Variants in KIAA1586 observed in about 807,000 individuals in gnomAD.
The protein encoded by KIAA1586 is KIAA1586.
A neutral mutation model predicts 6.1 loss-of-function variants in KIAA1586; 5 were observed. The observed-to-expected ratio is 0.82, with a 90% CI of 0.43 to 1.73. The LOEUF (loss-of-function observed/expected upper bound fraction) is 1.73. KIAA1586 is among the 40% of genes most tolerant of loss of function. KIAA1586 has a pLI of 0.02. For synonymous variants in KIAA1586, 280 were observed against 301.7 expected, an observed-to-expected ratio of 0.93 and a Z score of 0.75; for missense variants, 899 against 878.2, an observed-to-expected ratio of 1.02 and a Z score of -0.30.
chr6:57,056,889 G>T (rs764014404), downstream of KIAA1586, among the ~76,000 whole-genome samples: 1 of 151,290 alleles, frequency 6.6e-6, no homozygotes, highest in Non-Finnish European at 1.5e-5. Context: ...TGAAGAAATT[G>T]TTAGAAAATT....
Position 57,052,682 on chromosome 6 carries a change from T to A in KIAA1586, c.187-4T>A. On this transcript the variant is annotated splice_region_variant and splice_polypyrimidine_tract_variant and intron_variant, in intron 3 of 3. Transcript: ENST00000370733. Reference sequence around the variant, plus strand: ...TTACTTACATATGTAAAATTATTTTTCAGATTCTGTTTCCTAAAATGCCAA... The same window carrying A: ...TTACTTACATATGTAAAATTATTTTACAGATTCTGTTTCCTAAAATGCCAA... 1 of 1,537,636 alleles carries A rather than the reference T, an allele frequency of 6.5e-7. No individual in the cohort carries two copies. The highest frequency in any genetic ancestry group is 8.7e-7 in the Non-Finnish European group (1 of 1,144,258).
At chr6:57,063,384 T>A in the KIAA1586 span, among the ~76,000 whole-genome samples, 4 of 151,894 alleles carry the variant, frequency 2.6e-5, no homozygotes, top group Admixed American at 1.3e-4. Context: ...TAAAATCACA[T>A]GAGATAAATG....
At chr6:57,065,491 TG>T in the KIAA1586 span, among the ~76,000 whole-genome samples, 4 of 150,520 alleles carry the variant, frequency 2.7e-5, no homozygotes, top group African/African-American at 1.0e-4. Flanking sequence ...TTGCCTTTTT[TG>T]TTTTTTTTTT....
Position 57,053,870 on chromosome 6 carries a change from T to C in KIAA1586, c.1371T>C (p.Asn457=). 6.4e-7 allele frequency: 1 copy of C among 1,566,016 alleles called. No individual in the cohort carries two copies. Among genetic ancestry groups the C allele is most frequent in the African/African-American group, 1.4e-5 (1 of 72,750 alleles). The stretch of plus-strand genomic sequence containing the variant: ...CTATTTATCATCAACCTAATAAAAA[T>C]CAAACCAAGCTTCTAGGAACTGTAG... ...IYSIYHQPNK[N]QTKLLGTVAK... The change falls in exon 4 of 4, where the codon AAT becomes AAC. Residue 457 remains asparagine (N), a synonymous_variant. Transcript: ENST00000370733.
downstream of KIAA1586, among the ~76,000 whole-genome samples, chr6:57,056,071 CAG>C (rs1312696078): frequency 1.3e-5 from 2 of 151,772 alleles, no homozygotes; most frequent in Non-Finnish European, 2.9e-5. Context: ...TTTCCCGAGA[CAG>C]AGTCTTGTGG....
At chr6:57,066,487 G>A in the KIAA1586 span, among the ~76,000 whole-genome samples, 3 of 152,270 alleles carry the variant, frequency 2.0e-5, no homozygotes, top group Admixed American at 2.0e-4. Context: ...TGTTGGGATA[G>A]CTACATAACA....
downstream of KIAA1586, among the ~76,000 whole-genome samples, chr6:57,055,439 T>C (rs1562572802): frequency 6.6e-6 from 1 of 152,054 alleles, no homozygotes; most frequent in African/African-American, 2.4e-5. Flanking sequence ...GCATAAGATA[T>C]GGTTGTTGTA....
downstream of KIAA1586, among the ~76,000 whole-genome samples, chr6:57,057,783 G>GT (rs1410544128): frequency 1.3e-5 from 2 of 152,010 alleles, no homozygotes; most frequent in East Asian, 1.9e-4. Context: ...TTATGCAGCT[G>GT]TTTTTTTAAT....
intron 2 of KIAA1586, among the ~76,000 whole-genome samples, chr6:57,049,375 C>G (rs999437792): frequency 2.0e-5 from 3 of 152,042 alleles, no homozygotes; most frequent in Admixed American, 6.5e-5. Flanking sequence ...CTTGTGGGTT[C>G]TTCAGATTAA....
chr6:57,056,658 C>A (rs1828504336), downstream of KIAA1586, among the ~76,000 whole-genome samples: 1 of 151,216 alleles, frequency 6.6e-6, no homozygotes, highest in Admixed American at 6.6e-5. Context: ...CACCTCAGCC[C>A]CCTAAGTAGC....
chr6:57,050,655 C>T, intron 2 of KIAA1586, 119 bp from the exon 3 acceptor site: 1 of 700,852 alleles, frequency 1.4e-6, no homozygotes, highest in Non-Finnish European at 2.5e-6. Context: ...GTGCCACTTG[C>T]AAGATTTTCT....
downstream of KIAA1586, among the ~76,000 whole-genome samples, chr6:57,056,608 C>T (rs1334670293): frequency 6.6e-6 from 1 of 150,382 alleles, no homozygotes; most frequent in East Asian, 2.0e-4. Flanking sequence ...ACTGCAGTGG[C>T]TCACTGCAGC....
At chr6:57,062,641 C>T in the KIAA1586 span, among the ~76,000 whole-genome samples, 7 of 152,246 alleles carry the variant, frequency 4.6e-5, no homozygotes, top group African/African-American at 7.2e-5. Context: ...CCCAGTCACT[C>T]CTTAACAAGA....
In KIAA1586 at chr6:57,053,981, T is replaced by C; in HGVS notation, c.1482T>C (p.Ala494=). 6.2e-7 allele frequency: 1 copy of C among 1,600,268 alleles called. No homozygotes were observed. Among genetic ancestry groups the C allele is most frequent in the Non-Finnish European group, 8.5e-7 (1 of 1,174,998 alleles). The change falls in exon 4 of 4, where the codon GCT becomes GCC. Residue 494 remains alanine (A), a synonymous_variant. Transcript: ENST00000370733. ...CATGTAGTTTACAAGCTGCTACTGC[T>C]GTATGGCATGCATATCCTATATTAT... ...WAACSLQAAT[A]VWHAYPILYM... is the part of the protein sequence containing the mutation.
At chr6:57,051,373 A>C (rs1350972221) in intron 3 of KIAA1586, among the ~76,000 whole-genome samples, 1 of 151,786 alleles carries the variant, frequency 6.6e-6, no homozygotes, top group East Asian at 1.9e-4. Context: ...CCTACTTAAT[A>C]CATCATTTCC....
chr6:57,053,035 A>G lies in KIAA1586; in HGVS notation c.536A>G (p.His179Arg), dbSNP rs150457710. 3.1e-6 allele frequency: 5 copies of G among 1,613,922 alleles called. No homozygotes were observed. In the South Asian group the frequency reaches 3.3e-5, roughly 11 times the overall value. Residue 179 changes from histidine (H) to arginine (R), a missense_variant, in exon 4 of 4, where the codon CAT becomes CGT. His to Arg is a conservative substitution (Grantham distance 29). Transcript: ENST00000370733. ...HLGSKAEKHV[H>R]VSKEWIAYLV... ...GGATCGAAAGCAGAAAAGCATGTCC[A>G]TGTGTCCAAGGAATGGATTGCATAT...
rs769946666 is a variant in KIAA1586 at position 57,054,437 on chromosome 6, A to G, written c.1938A>G (p.Ser646=). The G allele has an allele frequency of 6.2e-7, 1 of 1,608,096 alleles. No homozygotes were observed. The highest frequency in any genetic ancestry group is 8.5e-7 in the Non-Finnish European group (1 of 1,177,282). Residue 646 remains serine (S), a synonymous_variant, in exon 4 of 4, where the codon TCA becomes TCG. Coordinates refer to ENST00000370733, the MANE Select transcript of KIAA1586 (RefSeq NM_020931.4). The stretch of plus-strand genomic sequence containing the variant: ...CATGGCCTTATGAAGAAATAACTTC[A>G]CCATGGATAGCTGGTGAAAAAACAT... ...PSTWPYEEIT[S]PWIAGEKTLF...
rs1828477986 is a variant in KIAA1586 at position 57,055,174 on chromosome 6, C to T, written c.*311C>T. ...AAAAATAGCAGGACTCAGCTAAGTT[C>T]TAAGCCCTGGAGGTTATATTAAATA... is the stretch of plus-strand genomic sequence containing the variant. On this transcript the variant is annotated 3_prime_UTR_variant, in exon 4 of 4. Coordinates refer to ENST00000370733, the MANE Select transcript of KIAA1586 (RefSeq NM_020931.4). 1 of 176,478 alleles carries T rather than the reference C, an allele frequency of 5.7e-6. No individual in the cohort carries two copies. The highest frequency in any genetic ancestry group is 1.2e-5 in the Non-Finnish European group (1 of 83,662). The allele number at this position is 176,478 out of a possible 1,614,324, so 10.9% of individuals were successfully genotyped here. A position where few individuals can be genotyped will look rare whatever the true frequency, so the allele number is the denominator to read the frequency against.
the KIAA1586 span, among the ~76,000 whole-genome samples, chr6:57,061,661 A>G: frequency 2.0e-5 from 3 of 152,096 alleles, no homozygotes. Context: ...AAATGCCGGG[A>G]TTACAGGTGT....
Sources: gnomAD v4.1 joint callset for allele counts (sites outside exome capture counted in the v4.1 genomes callset) on GRCh38, gnomAD v4.1.1 for gene constraint, MANE v1.5 for transcripts, NCBI Gene and HGNC (gene_info 2026-07-23, HGNC 2026-07-21) for gene names.